Variants in CLK4 observed in about 807,000 individuals in gnomAD.
CLK4 encodes CDC like kinase 4, also known as dual specificity protein kinase CLK4.
CLK4 carries 37 observed loss-of-function variants against 64.4 expected under a neutral mutation model. That is an observed-to-expected ratio of 0.57 (90% CI 0.44 to 0.76). CLK4 has a LOEUF of 0.76. Among genes scored for constraint, CLK4 ranks in the 30% least tolerant of loss-of-function variants. The probability of loss-of-function intolerance (pLI) is 0.00; values close to 1 mark genes in which losing one functional copy is unlikely to be tolerated. For synonymous variants in CLK4, 175 were observed against 191.6 expected, an observed-to-expected ratio of 0.91 and a Z score of 0.72; for missense variants, 457 against 605.1, an observed-to-expected ratio of 0.76 and a Z score of 2.57.
rs890139639 is a variant in CLK4, at chr5:178,609,687, AAAAT to A, written c.1052-1233_1052-1230del. On this transcript the variant is annotated intron_variant, in intron 9 of 12. Transcript: ENST00000316308. The stretch of plus-strand genomic sequence containing the variant: ...AATAAAAGCAAAACTCCATCTCAAA[AAAAT>A]AAATAAACAAATAACAAAAATAAAA... Among the ~76,000 whole-genome samples the A allele has an allele frequency of 5.4e-5, 8 of 147,992 alleles. No homozygotes were observed. In the South Asian group the frequency reaches 6.5e-4, roughly 12 times the overall value.
At chr5:178,624,319 ATGTTTATGTG>A (rs1251285012) in intron 1 of CLK4, among the ~76,000 whole-genome samples, 4 of 152,212 alleles carry the variant, frequency 2.6e-5, no homozygotes, top group Admixed American at 1.3e-4. Flanking sequence ...ATTTTTTTAA[ATGTTTATGTG>A]ATTTTATGAA....
intron 2 of CLK4, chr5:178,620,028 C>A: frequency 2.7e-6 from 1 of 372,476 alleles, no homozygotes; most frequent in Non-Finnish European, 5.7e-6. Flanking sequence ...TGCTGTCATT[C>A]TTTTTCCCAG....
chr5:178,626,343 ATGT>A (rs543154155), intron 1 of CLK4, among the ~76,000 whole-genome samples: 58 of 152,332 alleles, frequency 3.8e-4, no homozygotes, highest in African/African-American at 1.3e-3. Context: ...CGCTGCAACA[ATGT>A]TGTGTTCAGC....
intron 10 of CLK4, 98 bp from the exon 11 acceptor site, chr5:178,605,480 C>T (rs746419236): frequency 2.3e-5 from 14 of 618,106 alleles, no homozygotes; most frequent in Middle Eastern, 3.4e-4. Context: ...TTTATTTGCA[C>T]TTCTTACACT....
chr5:178,610,239 G>A (rs899987795), intron 9 of CLK4, among the ~76,000 whole-genome samples: 2 of 151,838 alleles, frequency 1.3e-5, no homozygotes, highest in African/African-American at 2.4e-5. Context: ...GCAGTGAGCC[G>A]AGATCGTGCC....
intron 5 of CLK4, among the ~76,000 whole-genome samples, chr5:178,616,594 G>A (rs1484581616): frequency 1.3e-5 from 2 of 151,888 alleles, no homozygotes; most frequent in African/African-American, 2.4e-5. Flanking sequence ...TCAGGAGTTC[G>A]AGACCACCCA....
intron 9 of CLK4, among the ~76,000 whole-genome samples, chr5:178,609,001 C>G (rs893292847): frequency 6.6e-6 from 1 of 152,122 alleles, no homozygotes; most frequent in Non-Finnish European, 1.5e-5. Context: ...GCAGTTTCAC[C>G]TATAAGCAGA....
At chr5:178,605,212 G>T in intron 11 of CLK4, 91 bp downstream of exon 11, 1 of 648,620 alleles carries the variant, frequency 1.5e-6, no homozygotes, top group Non-Finnish European at 2.4e-6. Context: ...TATAGTCCTT[G>T]GAATCAGTAT....
intron 2 of CLK4, chr5:178,619,805 T>C: frequency 7.8e-7 from 1 of 1,289,364 alleles, no homozygotes; most frequent in South Asian, 1.2e-5. Context: ...GGACATAGAT[T>C]CAATTGGCCC....
At chr5:178,611,879 CT>C (rs1433335208) in intron 9 of CLK4, among the ~76,000 whole-genome samples, 5 of 152,192 alleles carry the variant, frequency 3.3e-5, no homozygotes, top group African/African-American at 1.2e-4. Context: ...TGATCTATAA[CT>C]TTTAATGTTG....
chr5:178,610,565 C>T (rs960578455), intron 9 of CLK4, among the ~76,000 whole-genome samples: 1 of 152,118 alleles, frequency 6.6e-6, no homozygotes, highest in Admixed American at 6.6e-5. Context: ...GCCAGGGACT[C>T]CAATTTCAGA....
chr5:178,608,354 A>G (rs760357677), intron 10 of CLK4, 22 bp downstream of exon 10: 26 of 1,507,410 alleles, frequency 1.7e-5, no homozygotes, highest in Non-Finnish European at 2.3e-5. Flanking sequence ...GAATTATTAA[A>G]TGGAATTTAC....
At chr5:178,605,947 A>G (rs938169918) in intron 10 of CLK4, 1 of 152,216 alleles carries the variant, frequency 6.6e-6, no homozygotes, top group Admixed American at 6.5e-5. Context: ...CTTTTTGTAA[A>G]AACAGGCACC....
intron 9 of CLK4, among the ~76,000 whole-genome samples, chr5:178,609,643 A>G (rs1764526428): frequency 6.6e-6 from 1 of 152,016 alleles, no homozygotes; most frequent in Non-Finnish European, 1.5e-5. Context: ...AGATTGCGCC[A>G]CTGCACTCTA....
chr5:178,619,901 G>A (rs1416553198), intron 2 of CLK4: 3 of 686,834 alleles, frequency 4.4e-6, no homozygotes, highest in Non-Finnish European at 6.8e-6. Context: ...GGAGCACTGA[G>A]GGAGAGAGGG....
intron 9 of CLK4, among the ~76,000 whole-genome samples, chr5:178,608,817 G>A (rs1289573507): frequency 6.6e-6 from 1 of 152,156 alleles, no homozygotes; most frequent in Non-Finnish European, 1.5e-5. Flanking sequence ...TTCATGGTTA[G>A]TCCAAGAATT....
intron 2 of CLK4, 136 bp from the exon 3 acceptor site, chr5:178,618,914 ATATT>A (rs984338713): frequency 1.0e-4 from 63 of 632,854 alleles, no homozygotes; most frequent in African/African-American, 9.9e-4. Context: ...ATTAGCATTT[ATATT>A]TATCTCATAA....
At chr5:178,625,190 T>C (rs896336801) in intron 1 of CLK4, among the ~76,000 whole-genome samples, 4 of 152,186 alleles carry the variant, frequency 2.6e-5, no homozygotes, top group Non-Finnish European at 5.9e-5. Flanking sequence ...AAGAAAAATT[T>C]ATGGCTGGAC....
intron 5 of CLK4, among the ~76,000 whole-genome samples, chr5:178,614,306 G>T (rs956193930): frequency 6.6e-6 from 1 of 152,190 alleles, no homozygotes; most frequent in East Asian, 1.9e-4. Context: ...CTTCACAGAA[G>T]AGGTGACACA....
Sources: gnomAD v4.1 joint callset for allele counts (sites outside exome capture counted in the v4.1 genomes callset) on GRCh38, gnomAD v4.1.1 for gene constraint, MANE v1.5 for transcripts, NCBI Gene and HGNC (gene_info 2026-07-23, HGNC 2026-07-21) for gene names.